Variants in AACS observed in about 807,000 individuals in gnomAD.
AACS encodes the protein acetoacetyl-CoA synthetase.
A neutral mutation model predicts 83.1 loss-of-function variants in AACS; 69 were observed. The observed-to-expected ratio is 0.83, with a 90% CI of 0.68 to 1.01. The LOEUF (loss-of-function observed/expected upper bound fraction) is 1.01, where lower values mean the gene tolerates loss of function less well. AACS is among the 50% of genes least tolerant of loss of function. AACS has a pLI of 0.00. For missense variants in AACS, 866 were observed against 882.2 expected (o/e 0.98, Z 0.23); for synonymous variants, 333 against 343.4 (o/e 0.97, Z 0.33).
intron 1 of AACS, among the ~76,000 whole-genome samples, chr12:125,072,033 A>G (rs1464553616): frequency 6.6e-6 from 1 of 151,726 alleles, no homozygotes; most frequent in Non-Finnish European, 1.5e-5. Flanking sequence ...AATTTTTTGT[A>G]TTTAGTAGAG....
chr12:125,125,419 G>GCACCCTGCCC (rs1957232358), intron 12 of AACS, among the ~76,000 whole-genome samples: 1 of 152,190 alleles, frequency 6.6e-6, no homozygotes, highest in Non-Finnish European at 1.5e-5. Flanking sequence ...CGGGAAGACA[G>GCACCCTGCCC]CACCCTGCCC....
intron 1 of AACS, among the ~76,000 whole-genome samples, chr12:125,066,904 C>T (rs927861680): frequency 6.6e-6 from 1 of 152,164 alleles, no homozygotes; most frequent in African/African-American, 2.4e-5. Context: ...TGCCACAGCC[C>T]CATGTCGCTC....
At chr12:125,137,850 C>G (rs1055413782) in intron 17 of AACS, among the ~76,000 whole-genome samples, 16 of 152,208 alleles carry the variant, frequency 1.1e-4, no homozygotes, top group African/African-American at 3.6e-4. Context: ...GGAGCACACA[C>G]TCACTGGGTT....
intron 7 of AACS, chr12:125,105,888 A>T (rs73423520): frequency 0.11 from 16,314 of 152,272 alleles, 1,603 homozygotes; most frequent in African/African-American, 0.26. Context: ...TTATAATGGG[A>T]TTCTTATAGG....
intron 3 of AACS, 42 bp downstream of exon 3, chr12:125,076,653 T>C (rs756221181): frequency 1.2e-6 from 2 of 1,611,862 alleles, no homozygotes; most frequent in South Asian, 2.2e-5. Flanking sequence ...TCCGTGGAAG[T>C]TCTAGATGGT....
chr12:125,074,864 A>T (rs1301919876), intron 2 of AACS, among the ~76,000 whole-genome samples: 1 of 150,904 alleles, frequency 6.6e-6, no homozygotes, highest in African/African-American at 2.4e-5. Context: ...GGGTTTTGCC[A>T]TGTTGCCCAG....
Position 125,065,468 on chromosome 12 carries a change from C to T in AACS, c.-117C>T, listed in dbSNP as rs1382227392. 2 of 1,171,474 alleles carry T rather than the reference C, an allele frequency of 1.7e-6. No homozygotes were observed. Among genetic ancestry groups the T allele is most frequent in the African/African-American group, 3.3e-5 (2 of 61,400 alleles). 72.6% of individuals were successfully genotyped at this position (1,171,474 alleles called of 1,614,324 possible). A position where few individuals can be genotyped will look rare whatever the true frequency, so the allele number is the denominator to read the frequency against. On this transcript the variant is annotated 5_prime_UTR_variant, in exon 1 of 18. Transcript: ENST00000316519. ...GTTCCCCGCCGCCGCCGTCGCTGAC[C>T]CAGCCCGCCAGGCGCTCCTGACCGT...
chr12:125,080,543 C>T (rs116711281), intron 3 of AACS, among the ~76,000 whole-genome samples: 181 of 151,850 alleles, frequency 1.2e-3, no homozygotes, highest in African/African-American at 4.0e-3. Flanking sequence ...TTTTTAAACC[C>T]GGCCCTGTCT....
chr12:125,132,290 T>C (rs1239639061), intron 14 of AACS, among the ~76,000 whole-genome samples: 2 of 152,340 alleles, frequency 1.3e-5, no homozygotes, highest in African/African-American at 4.8e-5. Context: ...TACATCCTCC[T>C]TTTTCTCTGC....
intron 14 of AACS, among the ~76,000 whole-genome samples, 177 bp from the exon 15 acceptor site, chr12:125,133,826 G>A (rs1336274268): frequency 2.0e-5 from 3 of 152,210 alleles, no homozygotes; most frequent in African/African-American, 4.8e-5. Flanking sequence ...CAGCAGCCCC[G>A]CTAGAGGGCA....
chr12:125,091,351 C>A, intron 4 of AACS, 75 bp from the exon 5 acceptor site: 1 of 1,487,910 alleles, frequency 6.7e-7, no homozygotes, highest in Non-Finnish European at 9.3e-7. Context: ...CCTTGGCTCT[C>A]AGAGAAACCT....
chr12:125,069,136 C>T (rs1426860989), intron 1 of AACS, among the ~76,000 whole-genome samples: 1 of 152,182 alleles, frequency 6.6e-6, no homozygotes, highest in East Asian at 1.9e-4. Context: ...CCACCGCGCC[C>T]GGCTGTGAGC....
intron 5 of AACS, 74 bp from the exon 6 acceptor site, chr12:125,102,605 C>T: frequency 2.3e-6 from 3 of 1,285,674 alleles, no homozygotes; most frequent in South Asian, 1.2e-5. Context: ...GCTGGGACTA[C>T]AGGCACCCAC....
intron 3 of AACS, chr12:125,078,392 T>G (rs1166308371): frequency 2.2e-6 from 1 of 451,558 alleles, no homozygotes; most frequent in South Asian, 1.6e-5. Context: ...ATTGCTGTTT[T>G]CCTTGGTTCT....
chr12:125,123,802 A>T (rs901598015), intron 10 of AACS: 2 of 152,252 alleles, frequency 1.3e-5, no homozygotes, highest in African/African-American at 4.8e-5. Context: ...GACTGAGTTT[A>T]CATGTGAAGG....
Position 125,114,488 on chromosome 12 carries a change from C to G in AACS, c.927C>G (p.Ile309Met). 1.9e-6 allele frequency: 3 copies of G among 1,613,296 alleles called. No individual in the cohort carries two copies. The highest frequency in any genetic ancestry group is 2.5e-6 in the Non-Finnish European group (3 of 1,179,674). The part of the protein sequence containing the change: ...CMVHSAGGTL[I>M]QHLKEHLLHG... ...TGTCTCCCCTGCAGGGCACCCTCATCCAGCATCTGAAGGAGCACCTGCTGC... is the reference window on the plus strand; with the variant it reads ...TGTCTCCCCTGCAGGGCACCCTCATGCAGCATCTGAAGGAGCACCTGCTGC... Residue 309 changes from isoleucine (I) to methionine (M), a missense_variant, in exon 9 of 18, where the codon ATC (isoleucine) becomes ATG (methionine). Coordinates refer to ENST00000316519, the MANE Select transcript of AACS (RefSeq NM_023928.5).
chr12:125,071,260 A>G (rs1408285310), intron 1 of AACS, among the ~76,000 whole-genome samples: 2 of 152,112 alleles, frequency 1.3e-5, no homozygotes, highest in African/African-American at 4.8e-5. Context: ...GACCGTTACA[A>G]CCTGGCCTTG....
At chr12:125,114,762 G>T (rs1214817557) in intron 9 of AACS, among the ~76,000 whole-genome samples, 1 of 150,884 alleles carries the variant, frequency 6.6e-6, no homozygotes, top group Admixed American at 6.6e-5. Context: ...TTCCCCAGGC[G>T]CCGGCCCGTG....
chr12:125,084,386 CCTTTCCTT>C (rs1370444502), intron 3 of AACS, among the ~76,000 whole-genome samples: 10 of 151,474 alleles, frequency 6.6e-5, no homozygotes, highest in Non-Finnish European at 1.5e-4. Flanking sequence ...TTCCTCCCCT[CCTTTCCTT>C]CTTTCCTTTC....
Sources: allele counts gnomAD v4.1 joint callset (sites outside exome capture counted in the v4.1 genomes callset), GRCh38; gene constraint gnomAD v4.1.1; transcripts MANE v1.5; gene names NCBI Gene and HGNC (gene_info 2026-07-23, HGNC 2026-07-21).